CDH3: variants seen among roughly 807,000 people sequenced by gnomAD.
CDH3 encodes cadherin 3.
In CDH3, 54 loss-of-function variants were observed where a neutral mutation model predicts 82.0. The ratio of observed to expected loss-of-function variants is 0.66; its 90% CI spans 0.53 to 0.83. CDH3 has a LOEUF of 0.83. Ranked by LOEUF, CDH3 falls within the 40% of genes least tolerant of loss-of-function variation. The pLI, the probability that CDH3 is intolerant of heterozygous loss-of-function variation, is 0.00. For synonymous variants in CDH3, 446 were observed against 437.9 expected, an observed-to-expected ratio of 1.02 and a Z score of -0.23; for missense variants, 1,054 against 1,084.6, an observed-to-expected ratio of 0.97 and a Z score of 0.40.
chr16:68,699,074 G>A lies in CDH3; in HGVS notation c.*674G>A, dbSNP rs3118235. The A allele has an allele frequency of 0.21, 32,406 of 152,244 alleles. 4,083 individuals are homozygous for A. Among genetic ancestry groups the A allele is most frequent in the Admixed American group, 0.27 (4,173 of 15,272 alleles). The allele number at this position is 152,244 out of a possible 1,614,324, so 9.4% of individuals were successfully genotyped here. On this transcript the variant is annotated 3_prime_UTR_variant, in exon 16 of 16. Transcript: ENST00000264012. The stretch of plus-strand genomic sequence containing the variant: ...GGAGTGAACTGTTTTCTAAATAGAA[G>A]GTTTATTGGCATCTAACTCACATAC...
chr16:68,660,728 G>T (rs1254275865), intron 2 of CDH3, among the ~76,000 whole-genome samples: 1 of 152,160 alleles, frequency 6.6e-6, no homozygotes, highest in African/African-American at 2.4e-5. Context: ...GGAGGCCGAG[G>T]CCGGCAGATC....
intron 11 of CDH3, chr16:68,686,386 G>A (rs1199335234): frequency 5.5e-6 from 7 of 1,268,702 alleles, no homozygotes; most frequent in Non-Finnish European, 8.1e-6. Context: ...GTCATGGCAG[G>A]ACAAGCATTT....
At position 68,698,887 on chromosome 16, in the gene CDH3, G is replaced by A. The variant is rs578186441; in HGVS notation, c.*487G>A. On this transcript the variant is annotated 3_prime_UTR_variant, in exon 16 of 16. Transcript: ENST00000264012. The stretch of plus-strand genomic sequence containing the variant: ...GCATTTCTGGTTTCCAGACCCCAAT[G>A]CCTCCCATTCGGATGGATCTCTGCG... 5.4e-5 allele frequency: 9 copies of A among 167,550 alleles called. No homozygotes were observed. The highest frequency in any genetic ancestry group is 3.0e-3 in the Middle Eastern group (1 of 330). 10.4% of individuals were successfully genotyped at this position (167,550 alleles called of 1,614,324 possible). A position where few individuals can be genotyped will look rare whatever the true frequency, so the allele number is the denominator to read the frequency against.
intron 8 of CDH3, 116 bp from the exon 9 acceptor site, chr16:68,682,186 G>A (rs1961247203): frequency 1.7e-6 from 2 of 1,156,956 alleles, no homozygotes; most frequent in Non-Finnish European, 1.3e-6. Flanking sequence ...GTGGGTGGGT[G>A]GTCCAGGAAA....
intron 2 of CDH3, chr16:68,651,213 C>A: frequency 1.9e-6 from 1 of 520,826 alleles, no homozygotes; most frequent in South Asian, 1.5e-5. Context: ...GGTAGCCCAT[C>A]TGCAGGGACA....
chr16:68,677,672 AGGTTGCAGT>A (rs1309475653), intron 3 of CDH3, among the ~76,000 whole-genome samples: 1 of 152,244 alleles, frequency 6.6e-6, no homozygotes, highest in Non-Finnish European at 1.5e-5. Flanking sequence ...TGGGAGGCAG[AGGTTGCAGT>A]GAGCTGAGAT....
At chr16:68,672,872 A>C (rs1960925001) in intron 2 of CDH3, among the ~76,000 whole-genome samples, 1 of 152,048 alleles carries the variant, frequency 6.6e-6, no homozygotes, top group South Asian at 2.1e-4. Flanking sequence ...CCAGTGTCTT[A>C]ACTTCCTTTG....
At chr16:68,674,173 C>T (rs1031486768) in intron 2 of CDH3, among the ~76,000 whole-genome samples, 1 of 152,192 alleles carries the variant, frequency 6.6e-6, no homozygotes, top group African/African-American at 2.4e-5. Context: ...ATTCCAATTT[C>T]CCTCTATCCT....
At chr16:68,725,625 G>A (rs949390367) in intron 2 of CDH3, among the ~76,000 whole-genome samples, 3 of 152,172 alleles carry the variant, frequency 2.0e-5, no homozygotes, top group Non-Finnish European at 2.9e-5. Flanking sequence ...GAGCCACCGC[G>A]CCCGGCCCTT....
chr16:68,651,288 A>C (rs943374806), intron 2 of CDH3: 11 of 547,554 alleles, frequency 2.0e-5, no homozygotes, highest in Admixed American at 3.9e-5. Flanking sequence ...GGGTCCAGGG[A>C]GCCGTCATGC....
chr16:68,694,289 G>A (rs565171679), intron 13 of CDH3, among the ~76,000 whole-genome samples: 1 of 145,858 alleles, frequency 6.9e-6, no homozygotes, highest in South Asian at 2.2e-4. Flanking sequence ...CTCCAGTCTG[G>A]GCAACAGAGC....
chr16:68,705,087 G>C (rs1159756735), downstream of CDH3, among the ~76,000 whole-genome samples: 1 of 152,066 alleles, frequency 6.6e-6, no homozygotes, highest in Non-Finnish European at 1.5e-5. Flanking sequence ...ATGAGAGAGA[G>C]GTTAATGGCC....
At chr16:68,716,345 G>C (rs1184558061) in intron 1 of CDH3, among the ~76,000 whole-genome samples, 3 of 151,970 alleles carry the variant, frequency 2.0e-5, no homozygotes, top group African/African-American at 4.8e-5. Flanking sequence ...AGGCAGCCAG[G>C]CACAGTGGCT....
At chr16:68,729,299 C>T (rs1346885518), downstream of CDH3, among the ~76,000 whole-genome samples, 1 of 152,072 alleles carries the variant, frequency 6.6e-6, no homozygotes, top group African/African-American at 2.4e-5. Flanking sequence ...AGTGAGACTC[C>T]GTCTCAGAAA....
chr16:68,670,843 C>T (rs1427540154), intron 2 of CDH3, among the ~76,000 whole-genome samples: 6 of 152,078 alleles, frequency 3.9e-5, no homozygotes, highest in East Asian at 1.9e-4. Flanking sequence ...GAGGCCAAAG[C>T]GGGTGGATCG....
At chr16:68,722,783 GATTT>G (rs549036579) in intron 2 of CDH3, among the ~76,000 whole-genome samples, 114 of 151,904 alleles carry the variant, frequency 7.5e-4, no homozygotes, top group Non-Finnish European at 1.1e-3. Context: ...CTTCAACACA[GATTT>G]ATTTATTTAT....
intron 15 of CDH3, chr16:68,696,743 G>A (rs1054592924): frequency 2.6e-5 from 4 of 152,568 alleles, no homozygotes; most frequent in African/African-American, 9.7e-5. Flanking sequence ...AGACAAACAA[G>A]AGACATCCAC....
chr16:68,652,220 A>G (rs1327726089), intron 2 of CDH3, among the ~76,000 whole-genome samples: 3 of 152,266 alleles, frequency 2.0e-5, no homozygotes, highest in Middle Eastern at 6.8e-3. Flanking sequence ...TGGACCTTCA[A>G]GCCTAGCAGG....
chr16:68,645,792 T>TG, intron 2 of CDH3, 42 bp downstream of exon 2: 2 of 1,461,812 alleles, frequency 1.4e-6, no homozygotes, highest in Non-Finnish European at 1.9e-6. Flanking sequence ...GGGCCGCACG[T>TG]GACCATTTTG....
Sources: gnomAD v4.1 joint callset for allele counts (sites outside exome capture counted in the v4.1 genomes callset) on GRCh38, gnomAD v4.1.1 for gene constraint, MANE v1.5 for transcripts, NCBI Gene and HGNC (gene_info 2026-07-23, HGNC 2026-07-21) for gene names.